The following CLEC17A variants were observed in gnomAD, a reference collection of about 807,000 sequenced individuals.
The protein encoded by CLEC17A is C-type lectin domain containing 17A.
Under a neutral mutation model 61.3 loss-of-function variants are expected in CLEC17A, and 37 were observed. The observed-to-expected ratio is 0.60, with a 90% CI of 0.46 to 0.79. The LOEUF is 0.79. Among genes scored for constraint, CLEC17A ranks in the 30% least tolerant of loss-of-function variants. CLEC17A has a pLI of 0.00. For missense variants in CLEC17A, 418 were observed against 464.7 expected (o/e 0.90, Z 0.92); for synonymous variants, 168 against 164.9 (o/e 1.02, Z -0.14).
chr19:14,600,768 G>T (rs976975032), intron 12 of CLEC17A, among the ~76,000 whole-genome samples: 1 of 151,298 alleles, frequency 6.6e-6, no homozygotes, highest in African/African-American at 2.4e-5. Flanking sequence ...TGTATTTTTA[G>T]TAGAGACAGG....
At chr19:14,597,246 C>T (rs2074573438) in intron 10 of CLEC17A, 85 bp downstream of exon 10, 2 of 1,260,238 alleles carry the variant, frequency 1.6e-6, no homozygotes, top group Non-Finnish European at 2.3e-6. Flanking sequence ...CCAACCTCAT[C>T]CCCATCTTTG....
intron 12 of CLEC17A, among the ~76,000 whole-genome samples, chr19:14,603,948 C>G (rs2074788530): frequency 6.6e-6 from 1 of 152,184 alleles, no homozygotes; most frequent in Admixed American, 6.6e-5. Context: ...AAAGAGTCTT[C>G]TGGTTTTCTG....
intron 12 of CLEC17A, among the ~76,000 whole-genome samples, chr19:14,601,194 C>T (rs550975346): frequency 1.3e-4 from 20 of 152,212 alleles, no homozygotes; most frequent in South Asian, 8.3e-4. Context: ...TGAGCCACCA[C>T]GCTGGGCTAG....
chr19:14,599,639 C>T (rs773241911), intron 10 of CLEC17A, 78 bp from the exon 11 acceptor site: 2 of 1,000,886 alleles, frequency 2.0e-6, no homozygotes, highest in Non-Finnish European at 3.1e-6. Context: ...GCTTCTCTCT[C>T]TGATGTGTCT....
rs545343693 is a variant in CLEC17A, at chr19:14,589,724, C to G, written c.199+2033C>G. On this transcript the variant is annotated intron_variant, in intron 3 of 13. Transcript: ENST00000417570. Reference sequence around the variant, plus strand: ...CCTGTGACCTTTACGTTCTCATATTCGTGCCCTTGTGTAGTCTCTTCCCAC... The same window carrying G: ...CCTGTGACCTTTACGTTCTCATATTGGTGCCCTTGTGTAGTCTCTTCCCAC... Among the ~76,000 whole-genome samples the G allele has an allele frequency of 8.6e-5, 13 of 151,904 alleles. No homozygotes were observed. The South Asian group carries it at 2.5e-3, about 29-fold the overall frequency.
chr19:14,605,396 A>G lies in CLEC17A; in HGVS notation c.895-1597A>G, dbSNP rs138483728. ...CAGGCATGAGCCACCGCGCCCGGCC[A>G]CCTCCCCACATTTTAAGGAATCTTG... On this transcript the variant is annotated intron_variant, in intron 12 of 13. Transcript: ENST00000417570. Among the ~76,000 whole-genome samples the G allele has an allele frequency of 5.0e-3, 758 of 151,898 alleles. 11 individuals carry two copies. The highest frequency in any genetic ancestry group is 0.017 in the African/African-American group (721 of 41,456).
chr19:14,595,174 C>T, intron 7 of CLEC17A, 100 bp from the exon 8 acceptor site: 3 of 1,358,162 alleles, frequency 2.2e-6, no homozygotes, highest in Non-Finnish European at 3.1e-6. Context: ...CCACAGCCAG[C>T]CCCCTAAATT....
chr19:14,591,564 T>TG (rs2074420061), intron 3 of CLEC17A, among the ~76,000 whole-genome samples: 1 of 150,846 alleles, frequency 6.6e-6, no homozygotes, highest in East Asian at 1.9e-4. Context: ...CTCTTTTTTT[T>TG]TTTTTTTGAG....
rs557641091 is a variant in CLEC17A at position 14,602,951 on chromosome 19, TCTCGAA to T, written c.894+2773_894+2778del. Among the ~76,000 whole-genome samples the T allele has an allele frequency of 3.4e-4, 51 of 152,190 alleles. 1 individual carries two copies. The South Asian group carries it at 0.011, about 32-fold the overall frequency. On this transcript the variant is annotated intron_variant, in intron 12 of 13. Coordinates refer to ENST00000417570, the MANE Select transcript of CLEC17A (RefSeq NM_001204118.2). ...GGTTTCTCCATGTTGGCCAGATTGGTCTCGAACTCCTGACCTCAGGTGATCCACCTG... is the reference window on the plus strand; with the variant it reads ...GGTTTCTCCATGTTGGCCAGATTGGTCTCCTGACCTCAGGTGATCCACCTG...
chr19:14,586,158 T>A (rs1203499816), intron 2 of CLEC17A, among the ~76,000 whole-genome samples: 1 of 150,434 alleles, frequency 6.6e-6, no homozygotes, highest in Non-Finnish European at 1.5e-5. Context: ...GGAGTTTCAC[T>A]CTTGCTGCCC....
chr19:14,587,637 G>A lies in CLEC17A; in HGVS notation c.145G>A (p.Asp49Asn). 5 of 1,600,824 alleles carry A rather than the reference G, an allele frequency of 3.1e-6. No individual in the cohort carries two copies. The highest frequency in any genetic ancestry group is 4.3e-6 in the Non-Finnish European group (5 of 1,173,878). Residue 49 changes from aspartate (D) to asparagine (N), a missense_variant, in exon 3 of 14, where the codon GAT becomes AAT. By Grantham distance (23) the Asp-to-Asn change is conservative. Transcript: ENST00000417570. ...KPGTMEEEEE[D>N]DDYENSTPPY... ...AGGGACCATGGAGGAGGAGGAGGAG[G>A]ATGATGACTATGAGAACTCAACACC...
chr19:14,605,895 C>T (rs760185326), intron 12 of CLEC17A, among the ~76,000 whole-genome samples: 4 of 152,068 alleles, frequency 2.6e-5, no homozygotes, highest in African/African-American at 9.7e-5. Flanking sequence ...CGCACCACCA[C>T]GTCTGGCTAA....
intron 3 of CLEC17A, among the ~76,000 whole-genome samples, chr19:14,589,743 T>C (rs1299255291): frequency 6.6e-6 from 1 of 151,964 alleles, no homozygotes; most frequent in Non-Finnish European, 1.5e-5. Flanking sequence ...GTGTAGTCTC[T>C]TCCCACAACG....
intron 4 of CLEC17A, 22 bp downstream of exon 4, chr19:14,592,380 T>C: frequency 1.2e-6 from 2 of 1,610,688 alleles, no homozygotes; most frequent in Non-Finnish European, 1.7e-6. Context: ...TTTTGGAGTG[T>C]GACCTGGGGG....
At chr19:14,608,140 G>T (rs2074949634) in intron 13 of CLEC17A, among the ~76,000 whole-genome samples, 1 of 152,172 alleles carries the variant, frequency 6.6e-6, no homozygotes, top group African/African-American at 2.4e-5. Context: ...CCAAAGTGCT[G>T]GGATGACAGG....
intron 8 of CLEC17A, 25 bp downstream of exon 8, chr19:14,595,340 T>G (rs1266869321): frequency 6.2e-7 from 1 of 1,613,032 alleles, no homozygotes; most frequent in East Asian, 2.2e-5. Flanking sequence ...ATTTCCCCTC[T>G]GACAGTGGCT....
intron 4 of CLEC17A, 128 bp from the exon 5 acceptor site, chr19:14,594,389 C>G: frequency 7.9e-7 from 1 of 1,258,404 alleles, no homozygotes; most frequent in Non-Finnish European, 1.1e-6. Context: ...CAATTGCATT[C>G]TTACGTCCAA....
rs555157671 is a variant in CLEC17A at position 14,611,711 on chromosome 19, C to A, written c.*1515C>A. Among the ~76,000 whole-genome samples the A allele has an allele frequency of 6.6e-6, 1 of 152,062 alleles. No individual in the cohort carries two copies. The highest frequency in any genetic ancestry group is 1.5e-5 in the Non-Finnish European group (1 of 67,998). ...TTGTAACGTCTTTGATGATATAATT[C>A]ACTTTACTTGCCAGGCACAGTGGCT... On this transcript the variant is annotated 3_prime_UTR_variant, in exon 14 of 14. Coordinates refer to ENST00000417570, the MANE Select transcript of CLEC17A (RefSeq NM_001204118.2).
chr19:14,609,613 G>T (rs192537100), intron 13 of CLEC17A, among the ~76,000 whole-genome samples: 2 of 148,170 alleles, frequency 1.3e-5, no homozygotes, highest in Non-Finnish European at 3.0e-5. Context: ...TGAGGCGGGC[G>T]GATCACTTGA....
Sources: gnomAD v4.1 joint callset for allele counts (sites outside exome capture counted in the v4.1 genomes callset) on GRCh38, gnomAD v4.1.1 for gene constraint, MANE v1.5 for transcripts, NCBI Gene and HGNC (gene_info 2026-07-23, HGNC 2026-07-21) for gene names.